MAF: variants seen among roughly 807,000 people sequenced by gnomAD.
The protein encoded by MAF is MAF bZIP transcription factor, also known as transcription factor Maf.
MAF carries 10 observed loss-of-function variants against 22.0 expected under a neutral mutation model. The ratio of observed to expected loss-of-function variants is 0.45; its 90% CI spans 0.28 to 0.77. The LOEUF (loss-of-function observed/expected upper bound fraction) is 0.77. MAF is among the 30% of genes least tolerant of loss of function. The pLI, the probability that MAF is intolerant of heterozygous loss-of-function variation, is 0.12. For missense variants in MAF, 544 were observed against 548.4 expected, an observed-to-expected ratio of 0.99 and a Z score of 0.08; for synonymous variants, 337 against 255.8, an observed-to-expected ratio of 1.32 and a Z score of -3.03.
the MAF span, among the ~76,000 whole-genome samples, chr16:79,396,860 G>T: frequency 6.6e-6 from 1 of 152,212 alleles, no homozygotes; most frequent in Non-Finnish European, 1.5e-5. Flanking sequence ...CTGGCATAAA[G>T]TATTTAACAC....
the MAF span, among the ~76,000 whole-genome samples, chr16:79,246,323 G>A: frequency 2.0e-5 from 3 of 152,122 alleles, no homozygotes; most frequent in African/African-American, 7.2e-5. Flanking sequence ...TTTGAAAAGA[G>A]TTTACCTCTC....
At chr16:79,374,437 A>G in the MAF span, among the ~76,000 whole-genome samples, 1 of 152,044 alleles carries the variant, frequency 6.6e-6, no homozygotes, top group Non-Finnish European at 1.5e-5. Context: ...TCCCTCCCCT[A>G]CATTTCTCTC....
At chr16:79,401,685 T>C in the MAF span, among the ~76,000 whole-genome samples, 1 of 152,012 alleles carries the variant, frequency 6.6e-6, no homozygotes, top group Admixed American at 6.6e-5. Context: ...ATAATAATAA[T>C]AATCAATGAA....
chr16:79,435,245 TGC>T, the MAF span, among the ~76,000 whole-genome samples: 1 of 146,730 alleles, frequency 6.8e-6, no homozygotes, highest in Non-Finnish European at 1.5e-5. Context: ...CCTGCGACTG[TGC>T]ACACACACAC....
the MAF span, among the ~76,000 whole-genome samples, chr16:79,570,929 G>C: frequency 3.3e-5 from 5 of 152,122 alleles, no homozygotes; most frequent in Non-Finnish European, 5.9e-5. Flanking sequence ...ATGCCGCCTG[G>C]GTTCCTTCAT....
At chr16:79,560,958 G>A in the MAF span, among the ~76,000 whole-genome samples, 1 of 152,182 alleles carries the variant, frequency 6.6e-6, no homozygotes, top group Non-Finnish European at 1.5e-5. Context: ...TTCAAGGTTT[G>A]CTCTACCCAT....
At chr16:79,585,867 A>T (rs1912807284) in exon 2 of MAF, 1 of 646,932 alleles carries the variant, frequency 1.5e-6, no homozygotes, top group Non-Finnish European at 2.7e-6. Flanking sequence ...GCAAATCAAA[A>T]ATCAAGATGT....
At chr16:79,364,733 C>T in the MAF span, among the ~76,000 whole-genome samples, 4 of 152,204 alleles carry the variant, frequency 2.6e-5, no homozygotes, top group African/African-American at 4.8e-5. Context: ...TAATTACCTA[C>T]AAGGAGAATC....
At chr16:79,308,204 G>A in the MAF span, among the ~76,000 whole-genome samples, 43 of 152,256 alleles carry the variant, frequency 2.8e-4, no homozygotes, top group Middle Eastern at 0.014. Context: ...ACCCAACACG[G>A]GTCCACATTG....
the MAF span, among the ~76,000 whole-genome samples, chr16:79,226,343 C>T: frequency 6.6e-6 from 1 of 151,908 alleles, no homozygotes. Context: ...AACACACGGA[C>T]AAGGGAGGGT....
chr16:79,374,681 A>G, the MAF span, among the ~76,000 whole-genome samples: 1 of 152,234 alleles, frequency 6.6e-6, no homozygotes, highest in African/African-American at 2.4e-5. Flanking sequence ...TCAAGGACAG[A>G]ATTCTAGGGG....
the MAF span, chr16:79,211,986 C>A: frequency 8.5e-6 from 13 of 1,532,658 alleles, no homozygotes; most frequent in Non-Finnish European, 1.1e-5. Context: ...GGTAAAGTAT[C>A]ACTTTTCTGG....
chr16:79,568,657 C>T, the MAF span, among the ~76,000 whole-genome samples: 1 of 152,104 alleles, frequency 6.6e-6, no homozygotes, highest in Non-Finnish European at 1.5e-5. Context: ...TAAATAGTTG[C>T]TGTTATTTTT....
chr16:79,294,383 T>A, the MAF span, among the ~76,000 whole-genome samples: 2 of 152,150 alleles, frequency 1.3e-5, no homozygotes, highest in Non-Finnish European at 2.9e-5. Flanking sequence ...TGTTTGTAGT[T>A]CCTCTCCTTC....
chr16:79,391,873 AG>A, the MAF span, among the ~76,000 whole-genome samples: 2 of 117,276 alleles, frequency 1.7e-5, no homozygotes, highest in Non-Finnish European at 3.9e-5. Flanking sequence ...GAGGAGGAGA[AG>A]GAGGAGGAGG....
At chr16:79,519,760 G>A in the MAF span, among the ~76,000 whole-genome samples, 9 of 152,372 alleles carry the variant, frequency 5.9e-5, no homozygotes, top group Non-Finnish European at 1.0e-4. Flanking sequence ...GGGCCGGTGT[G>A]ACGCTGAGCG....
the MAF span, among the ~76,000 whole-genome samples, chr16:79,432,046 T>C: frequency 1.3e-5 from 2 of 152,114 alleles, no homozygotes; most frequent in Admixed American, 1.3e-4. Flanking sequence ...TCACCAGAAA[T>C]CTCATCTTGA....
At chr16:79,391,610 G>C in the MAF span, among the ~76,000 whole-genome samples, 2 of 152,156 alleles carry the variant, frequency 1.3e-5, no homozygotes, top group South Asian at 4.1e-4. Context: ...GTGAAATGGG[G>C]GCACCCTGGA....
the MAF span, among the ~76,000 whole-genome samples, chr16:79,468,348 G>A: frequency 2.0e-5 from 3 of 152,186 alleles, no homozygotes; most frequent in Non-Finnish European, 2.9e-5. Context: ...CCTGTGTCCA[G>A]CCCTCAACTA....
Sources: gnomAD v4.1 joint callset for allele counts (sites outside exome capture counted in the v4.1 genomes callset) on GRCh38, gnomAD v4.1.1 for gene constraint, MANE v1.5 for transcripts, NCBI Gene and HGNC (gene_info 2026-07-23, HGNC 2026-07-21) for gene names.